The following UTRN variants were observed in gnomAD, a reference collection of about 807,000 sequenced individuals.
UTRN encodes the protein utrophin, also known as dystrophin-related protein 1.
In UTRN, 283 loss-of-function variants were observed where a neutral mutation model predicts 463.9. That is an observed-to-expected ratio of 0.61 (90% CI 0.55 to 0.67). The LOEUF (loss-of-function observed/expected upper bound fraction) is 0.67. Ranked by LOEUF, UTRN falls within the 30% of genes least tolerant of loss-of-function variation. The pLI is 0.00. For synonymous variants in UTRN, 1,442 were observed against 1,431.5 expected (o/e 1.01, Z -0.17); for missense variants, 3,922 against 4,084.3 (o/e 0.96, Z 1.08).
chr6:144,679,456 T>A (rs1781989180), intron 52 of UTRN, among the ~76,000 whole-genome samples: 1 of 152,184 alleles, frequency 6.6e-6, no homozygotes, highest in Non-Finnish European at 1.5e-5. Context: ...TTGTACCAAG[T>A]GTACATCCTT....
rs921722702 is a variant in UTRN, at chr6:144,725,832, A to G, written c.7810-4525A>G. Among the ~76,000 whole-genome samples the G allele has an allele frequency of 2.0e-5, 3 of 152,224 alleles. No individual in the cohort carries two copies. The East Asian group carries it at 5.8e-4, about 29-fold the overall frequency. ...ATTAAATTTACAAAACAGGATATGA[A>G]TGGAAATTATCATATGTATGCTGCT... is the stretch of plus-strand genomic sequence containing the variant. On this transcript the variant is annotated intron_variant, in intron 53 of 74. Coordinates refer to ENST00000367545, the MANE Select transcript of UTRN (RefSeq NM_007124.3).
intron 23 of UTRN, among the ~76,000 whole-genome samples, chr6:144,468,539 TAACA>T (rs1790177267): frequency 6.6e-6 from 1 of 152,146 alleles, no homozygotes; most frequent in Non-Finnish European, 1.5e-5. Context: ...AGAAATTTAC[TAACA>T]GTTTTTATAT....
At chr6:144,752,034 G>A (rs753775045) in intron 56 of UTRN, 82 bp downstream of exon 56, 339 of 1,311,722 alleles carry the variant, frequency 2.6e-4, no homozygotes, top group Non-Finnish European at 3.0e-4. Flanking sequence ...ACCACTCACC[G>A]TTTTCTCTTT....
chr6:144,817,364 A>C (rs1779181963), intron 65 of UTRN, among the ~76,000 whole-genome samples: 1 of 152,194 alleles, frequency 6.6e-6, no homozygotes, highest in Admixed American at 6.5e-5. Context: ...TAATTTGTGT[A>C]GTAATGATTG....
intron 58 of UTRN, among the ~76,000 whole-genome samples, chr6:144,765,842 A>G (rs929788906): frequency 2.0e-5 from 3 of 152,222 alleles, no homozygotes; most frequent in East Asian, 1.9e-4. Flanking sequence ...TGCAGTACCT[A>G]TTATCAAATA....
At chr6:144,449,749 T>C (rs1465646291) in intron 17 of UTRN, among the ~76,000 whole-genome samples, 2 of 152,126 alleles carry the variant, frequency 1.3e-5, no homozygotes, top group Admixed American at 6.5e-5. Flanking sequence ...GAATCAGCAA[T>C]AACGACTTGT....
chr6:144,437,774 A>G, intron 11 of UTRN, 28 bp downstream of exon 11: 1 of 1,593,366 alleles, frequency 6.3e-7, no homozygotes, highest in Non-Finnish European at 8.5e-7. Flanking sequence ...AAATGCACTT[A>G]ATTCCACAGG....
intron 50 of UTRN, among the ~76,000 whole-genome samples, chr6:144,564,842 T>C (rs1407881084): frequency 6.6e-6 from 1 of 152,134 alleles, no homozygotes; most frequent in East Asian, 1.9e-4. Context: ...TGGGTGTGGA[T>C]ACAAAACCTA....
intron 33 of UTRN, among the ~76,000 whole-genome samples, chr6:144,494,270 GT>G (rs1432696729): frequency 1.3e-5 from 2 of 152,048 alleles, no homozygotes; most frequent in Non-Finnish European, 2.9e-5. Context: ...CTTCCTTCTG[GT>G]GGGTTCATGG....
At chr6:144,354,224 C>T (rs756070210) in intron 2 of UTRN, among the ~76,000 whole-genome samples, 2 of 152,030 alleles carry the variant, frequency 1.3e-5, no homozygotes, top group African/African-American at 2.4e-5. Flanking sequence ...CTGACAATAA[C>T]GATATGCTTG....
At chr6:144,299,920 A>G (rs1439239176) in intron 2 of UTRN, among the ~76,000 whole-genome samples, 3 of 152,278 alleles carry the variant, frequency 2.0e-5, no homozygotes, top group African/African-American at 2.4e-5. Context: ...CATATTTAAT[A>G]TAACTATGCT....
chr6:144,301,536 CTTTTTTTTTT>C (rs200484231), intron 2 of UTRN, among the ~76,000 whole-genome samples: 5,607 of 92,964 alleles, frequency 0.06, 473 homozygotes, highest in African/African-American at 0.2. Flanking sequence ...TTCTTTCTTT[CTTTTTTTTTT>C]TTTTTTTTTT....
chr6:144,717,955 AT>A (rs1182957946), intron 53 of UTRN, among the ~76,000 whole-genome samples: 1 of 151,624 alleles, frequency 6.6e-6, no homozygotes, highest in Non-Finnish European at 1.5e-5. Context: ...CACCTGGCCC[AT>A]TTTTTTCATA....
At chr6:144,547,397 C>T (rs948667301) in intron 46 of UTRN, among the ~76,000 whole-genome samples, 5 of 152,050 alleles carry the variant, frequency 3.3e-5, no homozygotes, top group Non-Finnish European at 7.4e-5. Flanking sequence ...AATAGCTTCC[C>T]TTTTTTGTGT....
Position 144,713,750 on chromosome 6 carries a change from G to A in UTRN, c.7809+13507G>A, listed in dbSNP as rs139928827. Among the ~76,000 whole-genome samples the A allele has an allele frequency of 2.2e-3, 326 of 150,932 alleles. 6 individuals are homozygous for A. The East Asian group carries it at 0.042, about 20-fold the overall frequency. On this transcript the variant is annotated intron_variant, in intron 53 of 74. Transcript: ENST00000367545. Reference sequence around the variant, plus strand: ...AGCCTGACCAACATGGAGAAACCCCGTCTCTACTAAAAATACAAAATTTGT... The same window carrying A: ...AGCCTGACCAACATGGAGAAACCCCATCTCTACTAAAAATACAAAATTTGT...
intron 6 of UTRN, 104 bp from the exon 7 acceptor site, chr6:144,426,183 A>T (rs1785276566): frequency 7.3e-7 from 1 of 1,370,316 alleles, no homozygotes; most frequent in South Asian, 1.5e-5. Context: ...CTGATCCATA[A>T]TGGTTAATTA....
chr6:144,491,178 CT>C, intron 32 of UTRN, 76 bp downstream of exon 32: 4 of 1,404,800 alleles, frequency 2.8e-6, no homozygotes, highest in Non-Finnish European at 3.8e-6. Context: ...AAGTACATGC[CT>C]AGTGTGTCCA....
At chr6:144,570,181 G>A (rs1182688942) in intron 50 of UTRN, among the ~76,000 whole-genome samples, 1 of 152,094 alleles carries the variant, frequency 6.6e-6, no homozygotes, top group African/African-American at 2.4e-5. Context: ...TTGCACCCAG[G>A]TCTGGATGGT....
chr6:144,287,951 C>T (rs1014698834), intron 1 of UTRN, among the ~76,000 whole-genome samples: 2 of 152,164 alleles, frequency 1.3e-5, no homozygotes, highest in Non-Finnish European at 2.9e-5. Flanking sequence ...AGATGGTGTT[C>T]CCTCCATTTT....
Sources: allele counts gnomAD v4.1 joint callset (sites outside exome capture counted in the v4.1 genomes callset), GRCh38; gene constraint gnomAD v4.1.1; transcripts MANE v1.5; gene names NCBI Gene and HGNC (gene_info 2026-07-23, HGNC 2026-07-21).